Variants in FLRT1 observed in about 807,000 individuals in gnomAD.
The protein encoded by FLRT1 is leucine-rich repeat transmembrane protein FLRT1.
Under a neutral mutation model 30.9 loss-of-function variants are expected in FLRT1, and 14 were observed. That is an observed-to-expected ratio of 0.45 (90% CI 0.30 to 0.71). The LOEUF is 0.71. Ranked by LOEUF, FLRT1 falls within the 30% of genes least tolerant of loss-of-function variation. The pLI is 0.08. For missense variants in FLRT1, 737 were observed against 949.2 expected (o/e 0.78, Z 2.94); for synonymous variants, 368 against 430.4 (o/e 0.85, Z 1.80).
intron 1 of FLRT1, among the ~76,000 whole-genome samples, chr11:64,099,687 G>A (rs186166236): frequency 6.6e-6 from 1 of 151,932 alleles, no homozygotes; most frequent in East Asian, 1.9e-4. Flanking sequence ...TGGAGGGATG[G>A]ATGGATGAAG....
chr11:64,107,818 G>C (rs1944790075), intron 2 of FLRT1, among the ~76,000 whole-genome samples: 1 of 152,164 alleles, frequency 6.6e-6, no homozygotes, highest in Non-Finnish European at 1.5e-5. Context: ...TGGGCCTGCA[G>C]TCCCTGGGGC....
At chr11:64,052,342 T>C (rs938492263) in intron 1 of FLRT1, among the ~76,000 whole-genome samples, 1 of 151,876 alleles carries the variant, frequency 6.6e-6, no homozygotes, top group African/African-American at 2.4e-5. Flanking sequence ...CTGGAAAGAG[T>C]TTTTAAAAAT....
chr11:64,113,303 G>C (rs1392316136), intron 2 of FLRT1, among the ~76,000 whole-genome samples: 2 of 152,244 alleles, frequency 1.3e-5, no homozygotes, highest in Non-Finnish European at 2.9e-5. Context: ...GGAATCCCAA[G>C]TGGCTACAAC....
In FLRT1 at chr11:64,051,366, G is replaced by A. The variant is rs113692273; in HGVS notation, c.-1038+15207G>A. ...TGGTGGGGTGGGTGCGTGTGGTCAC[G>A]AGCTAGAGAGGCAGCAGGGACTCTG... On this transcript the variant is annotated intron_variant, in intron 1 of 2. Coordinates refer to ENST00000682287, the MANE Select transcript of FLRT1 (RefSeq NM_013280.5). 1.6e-4 allele frequency among the ~76,000 whole-genome samples: 25 copies of A among 152,314 alleles called. 1 individual carries two copies. Among genetic ancestry groups the A allele is most frequent in the African/African-American group, 4.3e-4 (18 of 41,566 alleles).
chr11:64,093,867 C>T (rs1377182833), intron 1 of FLRT1, among the ~76,000 whole-genome samples: 1 of 152,246 alleles, frequency 6.6e-6, no homozygotes, highest in African/African-American at 2.4e-5. Flanking sequence ...TCCATTAATA[C>T]AGCCTGTGCA....
At chr11:64,053,659 C>G (rs117381410) in intron 1 of FLRT1, among the ~76,000 whole-genome samples, 6,162 of 152,262 alleles carry the variant, frequency 0.04, 188 homozygotes, top group South Asian at 0.13. Flanking sequence ...CAGCGGGGTC[C>G]TCAGCAGGTG....
intron 1 of FLRT1, among the ~76,000 whole-genome samples, chr11:64,049,542 G>A (rs577107927): frequency 9.2e-5 from 14 of 152,300 alleles, no homozygotes; most frequent in Admixed American, 1.3e-4. Flanking sequence ...CTCCCCAAGC[G>A]GTCTTGGTCT....
intron 1 of FLRT1, among the ~76,000 whole-genome samples, chr11:64,057,082 C>T (rs1190654335): frequency 6.6e-6 from 1 of 152,230 alleles, no homozygotes; most frequent in Admixed American, 6.5e-5. Flanking sequence ...TGCGTCGCAC[C>T]AGCTCTCACG....
intron 2 of FLRT1, among the ~76,000 whole-genome samples, chr11:64,113,545 G>C (rs1003797928): frequency 6.6e-6 from 1 of 150,738 alleles, no homozygotes; most frequent in Non-Finnish European, 1.5e-5. Flanking sequence ...TGGATGCATG[G>C]ATGGATGGAT....
chr11:64,096,252 G>A lies in FLRT1; in HGVS notation c.-1037-6942G>A, dbSNP rs997063458. 2.0e-5 allele frequency among the ~76,000 whole-genome samples: 3 copies of A among 152,230 alleles called. No individual in the cohort carries two copies. Among genetic ancestry groups the A allele is most frequent in the African/African-American group, 7.2e-5 (3 of 41,468 alleles). Reference sequence around the variant, plus strand: ...AACAGCCACTGTTCTGCCGACAAAAGCAGGCCAATTTCCTGAAAGAAGAGG... The same window carrying A: ...AACAGCCACTGTTCTGCCGACAAAAACAGGCCAATTTCCTGAAAGAAGAGG... On this transcript the variant is annotated intron_variant, in intron 1 of 2. Coordinates refer to ENST00000682287, the MANE Select transcript of FLRT1 (RefSeq NM_013280.5). This position sits in a 1 kb window ranked among gnomAD's most constrained non-coding sequence, Gnocchi z 4.6.
At chr11:64,047,472 G>T (rs1943606625) in intron 1 of FLRT1, among the ~76,000 whole-genome samples, 1 of 152,154 alleles carries the variant, frequency 6.6e-6, no homozygotes, top group South Asian at 2.1e-4. Context: ...AGCAGGTGGA[G>T]GAGTGACCAG....
chr11:64,092,605 CTCAT>C (rs1196963583), intron 1 of FLRT1, among the ~76,000 whole-genome samples: 1 of 152,274 alleles, frequency 6.6e-6, no homozygotes, highest in African/African-American at 2.4e-5. Flanking sequence ...CACTCCCACT[CTCAT>C]TCAGCCCTCA....
At chr11:64,052,770 C>T (rs1281269981) in intron 1 of FLRT1, among the ~76,000 whole-genome samples, 1 of 152,218 alleles carries the variant, frequency 6.6e-6, no homozygotes, top group Middle Eastern at 3.2e-3. Flanking sequence ...ACCTGATTCT[C>T]CTGACTCCAG....
At chr11:64,076,381 A>G (rs910757871) in intron 1 of FLRT1, among the ~76,000 whole-genome samples, 4 of 152,142 alleles carry the variant, frequency 2.6e-5, no homozygotes, top group African/African-American at 9.7e-5. Context: ...GGAGACCGTG[A>G]TTGTCTCCAG....
intron 1 of FLRT1, among the ~76,000 whole-genome samples, chr11:64,083,331 G>C (rs1265272929): frequency 6.6e-6 from 1 of 152,186 alleles, no homozygotes; most frequent in Non-Finnish European, 1.5e-5. Flanking sequence ...AGCTACTCCA[G>C]AGGCTGAGGC....
At chr11:64,092,653 C>T (rs1186363788) in intron 1 of FLRT1, among the ~76,000 whole-genome samples, 1 of 152,234 alleles carries the variant, frequency 6.6e-6, no homozygotes, top group Non-Finnish European at 1.5e-5. Context: ...TGTGTGCCAG[C>T]CACCAGCTGG....
intron 1 of FLRT1, among the ~76,000 whole-genome samples, chr11:64,089,603 A>C (rs1439577564): frequency 6.6e-6 from 1 of 152,112 alleles, no homozygotes; most frequent in African/African-American, 2.4e-5. Context: ...ACTTGGGGAG[A>C]CTGTTCTCAG....
In FLRT1 at chr11:64,036,069, G is replaced by A. The variant is rs1323936718; in HGVS notation, c.-1128G>A. 1.3e-5 allele frequency: 2 copies of A among 151,138 alleles called. No homozygotes were observed. Among genetic ancestry groups the A allele is most frequent in the Non-Finnish European group, 3.0e-5 (2 of 67,726 alleles). 9.4% of individuals were successfully genotyped at this position (151,138 alleles called of 1,614,324 possible). A position where few individuals can be genotyped will look rare whatever the true frequency, so the allele number is the denominator to read the frequency against. On this transcript the variant is annotated 5_prime_UTR_variant, in exon 1 of 3. It introduces an in-frame stop codon into an upstream open reading frame of the 5' UTR. Transcript: ENST00000682287. This position sits in a 1 kb window ranked among gnomAD's most constrained non-coding sequence, Gnocchi z 5.6. ...GCCCCCCTGGGCGCCCTCCGGCTCT[G>A]GTTCCCGCCCGCTCCTTGGAATAAC...
At chr11:64,077,424 G>A (rs1944222756) in intron 1 of FLRT1, among the ~76,000 whole-genome samples, 1 of 152,182 alleles carries the variant, frequency 6.6e-6, no homozygotes, top group Non-Finnish European at 1.5e-5. Flanking sequence ...CCCGTCCTCG[G>A]ATTTTCCCCC....
Sources: gnomAD v4.1 joint callset for allele counts (sites outside exome capture counted in the v4.1 genomes callset) on GRCh38, gnomAD v4.1.1 for gene constraint, Gnocchi (gnomAD v3.1) non-coding constraint, MANE v1.5 for transcripts, NCBI Gene and HGNC (gene_info 2026-07-23, HGNC 2026-07-21) for gene names.